The following PCA3 variants were observed in gnomAD, a reference collection of about 807,000 sequenced individuals.
PCA3 encodes prostate cancer associated 3.
At chr9:76,771,272 T>C (rs571564928) in intron 2 of PCA3, among the ~76,000 whole-genome samples, 1 of 152,348 alleles carries the variant, frequency 6.6e-6, no homozygotes, top group African/African-American at 2.4e-5. Context: ...GGCCAAACTA[T>C]ATCCCTCAAT....
intron 2 of PCA3, among the ~76,000 whole-genome samples, chr9:76,776,502 T>C (rs2053766195): frequency 6.6e-6 from 1 of 151,374 alleles, no homozygotes; most frequent in South Asian, 2.1e-4. Context: ...ACATTTTCTT[T>C]TTTTTTTTCT....
At chr9:76,764,708 G>A (rs1031513650) in intron 2 of PCA3, among the ~76,000 whole-genome samples, 2 of 152,240 alleles carry the variant, frequency 1.3e-5, no homozygotes, top group African/African-American at 2.4e-5. Context: ...GACAGCAGAA[G>A]GGTAGGAGCA....
chr9:76,774,857 T>C (rs1372065673), intron 2 of PCA3, among the ~76,000 whole-genome samples: 1 of 152,148 alleles, frequency 6.6e-6, no homozygotes, highest in Non-Finnish European at 1.5e-5. Context: ...AGATTGTAGA[T>C]TTTAGAGACA....
intron 2 of PCA3, among the ~76,000 whole-genome samples, chr9:76,781,305 G>T (rs998871159): frequency 6.6e-6 from 1 of 152,086 alleles, no homozygotes; most frequent in Non-Finnish European, 1.5e-5. Flanking sequence ...TGGCCTGGGA[G>T]GGCTTGAAGG....
rs756648285 is a variant in PCA3 at position 76,774,457 on chromosome 9, T to TATTTATTTATTTATTTATTTATTTATTTA, written n.853-34126_853-34125insATTTATTTATTTATTTATTTATTTATTTA. Among the ~76,000 whole-genome samples the TATTTATTTATTTATTTATTTATTTATTTA allele has an allele frequency of 9.5e-5, 7 of 73,572 alleles. No homozygotes were observed. The South Asian group carries it at 1.8e-3, about 18-fold the overall frequency. The allele number at this position is 73,572 out of a possible 152,430, so 48.3% of individuals were successfully genotyped here. A position where few individuals can be genotyped will look rare whatever the true frequency, so the allele number is the denominator to read the frequency against. ...CTGGCCTCCAGTTCAACCCTTTTTT[T>TATTTATTTATTTATTTATTTATTTATTTA]TTTTTTTTTTTTTTTTTTTTGAGAT... is the stretch of plus-strand genomic sequence containing the variant. On this transcript the variant is annotated intron_variant and non_coding_transcript_variant, in intron 2 of 5. Coordinates refer to ENST00000644657, the Ensembl canonical transcript of PCA3.
chr9:76,766,139 C>T lies in PCA3; in HGVS notation n.852+29524C>T, dbSNP rs143854343. On this transcript the variant is annotated intron_variant and non_coding_transcript_variant, in intron 2 of 5. Transcript: ENST00000644657. ...CGGAGGTTGCAGTGAGCCAAGATTG[C>T]GCCACTGCACTCTAGCCTGGGTGAC... 4.3e-3 allele frequency among the ~76,000 whole-genome samples: 644 copies of T among 150,200 alleles called. 7 individuals are homozygous for T. Among genetic ancestry groups the T allele is most frequent in the African/African-American group, 0.015 (610 of 40,844 alleles).
intron 2 of PCA3, among the ~76,000 whole-genome samples, chr9:76,776,887 AACACATACACACACACACACACAC>A (rs2053835709): frequency 1.0e-5 from 1 of 96,508 alleles, no homozygotes; most frequent in Non-Finnish European, 2.2e-5. Context: ...TCATTACCAA[AACACATACACACACACACACACAC>A]ACACACACAC....
In PCA3 at chr9:76,775,469, G is replaced by A. The variant is rs565899993; in HGVS notation, n.853-33114G>A. 3.0e-4 allele frequency among the ~76,000 whole-genome samples: 40 copies of A among 135,458 alleles called. No individual in the cohort carries two copies. The South Asian group carries it at 1.0e-2, about 34-fold the overall frequency. The allele number at this position is 135,458 out of a possible 152,430, so 88.9% of individuals were successfully genotyped here. On this transcript the variant is annotated intron_variant and non_coding_transcript_variant, in intron 2 of 5. Coordinates refer to ENST00000644657, the Ensembl canonical transcript of PCA3. ...GCACTACCATGCCCAGCTAATTTTT[G>A]TGGTTTTTTTTTGTAGAGATGGGAT...
intron 2 of PCA3, among the ~76,000 whole-genome samples, chr9:76,781,556 C>T (rs896773041): frequency 6.6e-6 from 1 of 152,152 alleles, no homozygotes; most frequent in African/African-American, 2.4e-5. Flanking sequence ...ACTTACACAC[C>T]TCCCTATCTA....
intron 2 of PCA3, among the ~76,000 whole-genome samples, chr9:76,783,375 G>C (rs2054631419): frequency 6.6e-6 from 1 of 151,954 alleles, no homozygotes; most frequent in African/African-American, 2.4e-5. Flanking sequence ...GACCTCAGGT[G>C]ACCCACCTGC....
At chr9:76,781,921 T>C (rs537362174) in intron 2 of PCA3, among the ~76,000 whole-genome samples, 15 of 152,192 alleles carry the variant, frequency 9.9e-5, no homozygotes, top group Admixed American at 7.2e-4. Flanking sequence ...ATAGAAAGCA[T>C]TGGGAAAGCC....
At chr9:76,781,853 C>G (rs942083697) in intron 2 of PCA3, among the ~76,000 whole-genome samples, 4 of 152,128 alleles carry the variant, frequency 2.6e-5, no homozygotes, top group East Asian at 3.9e-4. Flanking sequence ...CCAACGTGTA[C>G]AGCAAAATGA....
intron 2 of PCA3, among the ~76,000 whole-genome samples, chr9:76,772,146 G>C (rs560801691): frequency 3.8e-4 from 58 of 152,242 alleles, no homozygotes; most frequent in African/African-American, 1.3e-3. Flanking sequence ...AAGGAAAAGG[G>C]CTTTTTGTGT....
intron 2 of PCA3, among the ~76,000 whole-genome samples, chr9:76,780,988 T>C (rs1012911193): frequency 6.6e-6 from 1 of 152,220 alleles, no homozygotes; most frequent in South Asian, 2.1e-4. Flanking sequence ...GAATAATCCA[T>C]GACATTTTTT....
At chr9:76,769,488 T>A (rs2052836478) in intron 2 of PCA3, among the ~76,000 whole-genome samples, 1 of 115,728 alleles carries the variant, frequency 8.6e-6, no homozygotes, top group African/African-American at 3.4e-5. Flanking sequence ...AATGGCACAA[T>A]CTCGGCTCGT....
chr9:76,783,955 T>C (rs1235952593), intron 2 of PCA3: 3 of 152,182 alleles, frequency 2.0e-5, no homozygotes, highest in Non-Finnish European at 4.4e-5. Flanking sequence ...CCTCTACTCG[T>C]TTCTATCCTT....
At chr9:76,771,971 G>A (rs2053161901) in intron 2 of PCA3, among the ~76,000 whole-genome samples, 2 of 152,212 alleles carry the variant, frequency 1.3e-5, no homozygotes, top group African/African-American at 2.4e-5. Context: ...TCATGAAGAT[G>A]CCAAACACAA....
intron 2 of PCA3, among the ~76,000 whole-genome samples, chr9:76,774,257 C>T (rs2053440317): frequency 6.6e-6 from 1 of 151,450 alleles, no homozygotes; most frequent in South Asian, 2.1e-4. Flanking sequence ...CACCTGACCC[C>T]CCTGAGTAAG....
At chr9:76,778,434 C>G (rs2054028777) in intron 2 of PCA3, 1 of 152,182 alleles carries the variant, frequency 6.6e-6, no homozygotes, top group Non-Finnish European at 1.5e-5. Flanking sequence ...GCACTGGATG[C>G]CTGATGATGA....
Sources: allele counts gnomAD v4.1 joint callset (sites outside exome capture counted in the v4.1 genomes callset), GRCh38; gene constraint gnomAD v4.1.1; transcripts MANE v1.5; gene names NCBI Gene and HGNC (gene_info 2026-07-23, HGNC 2026-07-21).